The following DLGAP2 variants were observed in gnomAD, a reference collection of about 807,000 sequenced individuals.
DLGAP2 encodes disks large-associated protein 2.
Under a neutral mutation model 100.3 loss-of-function variants are expected in DLGAP2, and 26 were observed. The observed-to-expected ratio is 0.26, with a 90% CI of 0.19 to 0.36. DLGAP2 has a LOEUF of 0.36. DLGAP2 is among the 10% of genes least tolerant of loss of function. The probability of loss-of-function intolerance (pLI) is 1.00; values close to 1 mark genes in which losing one functional copy is unlikely to be tolerated. For synonymous variants in DLGAP2, 886 were observed against 630.1 expected, an observed-to-expected ratio of 1.41 and a Z score of -6.08; for missense variants, 1,858 against 1,453.2, an observed-to-expected ratio of 1.28 and a Z score of -4.53.
intron 3 of DLGAP2, among the ~76,000 whole-genome samples, chr8:1,448,575 T>C (rs988391177): frequency 6.6e-5 from 10 of 152,148 alleles, no homozygotes; most frequent in African/African-American, 2.2e-4. Context: ...TGATTTGGGG[T>C]GGAGAGTTCT....
Position 1,626,743 on chromosome 8 carries a change from G to T in DLGAP2, c.1446G>T (p.Gln482His). 1 of 1,599,584 alleles carries T rather than the reference G, an allele frequency of 6.3e-7. No individual in the cohort carries two copies. Among genetic ancestry groups the T allele is most frequent in the Non-Finnish European group, 8.5e-7 (1 of 1,173,422 alleles). Residue 482 changes from glutamine to histidine, a missense_variant, in exon 7 of 15, where the codon CAG (glutamine) becomes CAT (histidine). By Grantham distance (24) the Gln-to-His change is conservative. Transcript: ENST00000637795. Reference sequence around the variant, plus strand: ...TCTCCTTTCTTCTTTCCTGTAGCCAGACCTACCTGCAAGCTGCAAGCGATG... The same window carrying T: ...TCTCCTTTCTTCTTTCCTGTAGCCATACCTACCTGCAAGCTGCAAGCGATG... The part of the protein sequence containing the change: ...GQRPLGEHQT[Q>H]TYLQAASDVP...
At chr8:1,391,968 T>C (rs1219048851) in intron 3 of DLGAP2, among the ~76,000 whole-genome samples, 3 of 152,234 alleles carry the variant, frequency 2.0e-5, no homozygotes, top group African/African-American at 7.2e-5. Context: ...GTTGTGATGC[T>C]GTAGGATCTT....
Position 1,481,545 on chromosome 8 carries a change from C to A in DLGAP2, c.107-19821C>A, listed in dbSNP as rs190285501. ...CCAGGCTGGAGTGCAGTGGTATGATCTTGGATCACTGCAACCTCCAGCTCC... is the reference window on the plus strand; with the variant it reads ...CCAGGCTGGAGTGCAGTGGTATGATATTGGATCACTGCAACCTCCAGCTCC... On this transcript the variant is annotated intron_variant, in intron 3 of 14. Coordinates refer to ENST00000637795, the MANE Select transcript of DLGAP2 (RefSeq NM_001346810.2). Among the ~76,000 whole-genome samples the A allele has an allele frequency of 7.7e-3, 916 of 119,002 alleles. 6 individuals carry two copies. Among genetic ancestry groups the A allele is most frequent in the South Asian group, 8.5e-3 (29 of 3,426 alleles). 78.1% of individuals were successfully genotyped at this position (119,002 alleles called of 152,430 possible). A position where few individuals can be genotyped will look rare whatever the true frequency, so the allele number is the denominator to read the frequency against.
Position 1,307,441 on chromosome 8 carries a change from C to T in DLGAP2, c.106+48558C>T, listed in dbSNP as rs374788508. Among the ~76,000 whole-genome samples the T allele has an allele frequency of 1.4e-4, 21 of 152,126 alleles. 1 individual carries two copies. Among genetic ancestry groups the T allele is most frequent in the African/African-American group, 4.6e-4 (19 of 41,444 alleles). On this transcript the variant is annotated intron_variant, in intron 3 of 14. Coordinates refer to ENST00000637795, the MANE Select transcript of DLGAP2 (RefSeq NM_001346810.2). ...TGGTGAGAATATAGAAAGATGTTCC[C>T]ATCATGGAAAATGATATGGTGAGTC... is the stretch of plus-strand genomic sequence containing the variant.
intron 3 of DLGAP2, among the ~76,000 whole-genome samples, chr8:1,317,261 C>T (rs1275844155): frequency 7.1e-6 from 1 of 139,932 alleles, no homozygotes; most frequent in Admixed American, 7.2e-5. Flanking sequence ...GCGAGTGCAG[C>T]GTCTCTCCAA....
chr8:841,285 A>G (rs1253236377), intron 1 of DLGAP2, among the ~76,000 whole-genome samples: 1 of 152,158 alleles, frequency 6.6e-6, no homozygotes, highest in Non-Finnish European at 1.5e-5. Flanking sequence ...CACGTTTGGC[A>G]TCTCAGTGCA....
chr8:1,453,210 C>T (rs773162605), intron 3 of DLGAP2, among the ~76,000 whole-genome samples: 10 of 152,058 alleles, frequency 6.6e-5, no homozygotes, highest in Non-Finnish European at 1.3e-4. Context: ...AGGTCTTAGG[C>T]ACACAGTTCT....
chr8:1,591,726 C>T (rs1342553643), intron 6 of DLGAP2, among the ~76,000 whole-genome samples: 1 of 152,194 alleles, frequency 6.6e-6, no homozygotes, highest in Admixed American at 6.5e-5. Context: ...ACCCGCATAT[C>T]TCCTGGCCCC....
At chr8:1,048,992 T>G (rs929679242) in intron 2 of DLGAP2, among the ~76,000 whole-genome samples, 1 of 152,184 alleles carries the variant, frequency 6.6e-6, no homozygotes, top group East Asian at 1.9e-4. Context: ...CCAGGAAGCA[T>G]GATAATTTGT....
chr8:1,538,472 C>T lies in DLGAP2; in HGVS notation c.173-10154C>T, dbSNP rs138519512. Among the ~76,000 whole-genome samples the T allele has an allele frequency of 3.3e-3, 503 of 152,252 alleles. 2 individuals are homozygous for T. Among genetic ancestry groups the T allele is most frequent in the African/African-American group, 0.012 (483 of 41,538 alleles). ...ACATATTAACTTCCTCTTAGATCCCCGGGCTGATTTCTTTCAGGCTCAGGG... is the reference window on the plus strand; with the variant it reads ...ACATATTAACTTCCTCTTAGATCCCTGGGCTGATTTCTTTCAGGCTCAGGG... On this transcript the variant is annotated intron_variant, in intron 4 of 14. Coordinates refer to ENST00000637795, the MANE Select transcript of DLGAP2 (RefSeq NM_001346810.2).
At chr8:742,393 A>G (rs1037331831) in intron 1 of DLGAP2, among the ~76,000 whole-genome samples, 23 of 152,254 alleles carry the variant, frequency 1.5e-4, no homozygotes, top group Non-Finnish European at 2.6e-4. Context: ...CTCTGTACAA[A>G]AGAAGAAAAA....
chr8:771,400 C>G (rs1229935138), intron 1 of DLGAP2, among the ~76,000 whole-genome samples: 2 of 152,082 alleles, frequency 1.3e-5, no homozygotes, highest in Non-Finnish European at 2.9e-5. Flanking sequence ...GAGAAAAACA[C>G]TTTCAGAAAC....
chr8:1,316,429 T>C (rs1233208621), intron 3 of DLGAP2, among the ~76,000 whole-genome samples: 3 of 130,758 alleles, frequency 2.3e-5, no homozygotes, highest in African/African-American at 2.8e-5. Context: ...GCAGCGTCTC[T>C]CCAACAGTGG....
intron 1 of DLGAP2, among the ~76,000 whole-genome samples, chr8:829,570 G>A (rs1254382339): frequency 6.6e-6 from 1 of 152,168 alleles, no homozygotes; most frequent in African/African-American, 2.4e-5. Context: ...ATCTTATTCA[G>A]AGCTTTGCTT....
intron 6 of DLGAP2, among the ~76,000 whole-genome samples, chr8:1,568,845 G>GCA (rs2130588057): frequency 1.5e-5 from 2 of 136,080 alleles, no homozygotes; most frequent in South Asian, 5.6e-4. Context: ...CTCTGCCTAT[G>GCA]GCCCCCATGC....
At chr8:1,152,985 A>T (rs1275907930) in intron 2 of DLGAP2, among the ~76,000 whole-genome samples, 1 of 152,182 alleles carries the variant, frequency 6.6e-6, no homozygotes, top group East Asian at 1.9e-4. Flanking sequence ...CTATTAATTC[A>T]AGCTATTCTG....
intron 2 of DLGAP2, among the ~76,000 whole-genome samples, chr8:1,115,582 A>C (rs988878508): frequency 1.3e-5 from 2 of 152,186 alleles, no homozygotes; most frequent in African/African-American, 4.8e-5. Context: ...TAGAAATTTA[A>C]ATGATCTAAA....
chr8:1,418,434 T>G (rs1486245006), intron 3 of DLGAP2, among the ~76,000 whole-genome samples: 1 of 152,166 alleles, frequency 6.6e-6, no homozygotes, highest in Non-Finnish European at 1.5e-5. Flanking sequence ...AGATGATTAT[T>G]TCTGTAGTCG....
At chr8:870,394 C>G (rs1302142184) in intron 1 of DLGAP2, among the ~76,000 whole-genome samples, 1 of 152,174 alleles carries the variant, frequency 6.6e-6, no homozygotes, top group Admixed American at 6.5e-5. Flanking sequence ...CTCCCAGGAC[C>G]CTAAACACGC....
Sources: gnomAD v4.1 joint callset for allele counts (sites outside exome capture counted in the v4.1 genomes callset) on GRCh38, gnomAD v4.1.1 for gene constraint, MANE v1.5 for transcripts, NCBI Gene and HGNC (gene_info 2026-07-23, HGNC 2026-07-21) for gene names.